RBMS3: variants seen among roughly 807,000 people sequenced by gnomAD.
RBMS3 encodes the protein RNA binding motif single stranded interacting protein 3, also known as RNA-binding motif, single-stranded-interacting protein 3.
In RBMS3, 27 loss-of-function variants were observed where a neutral mutation model predicts 66.8. That is an observed-to-expected ratio of 0.40 (90% CI 0.30 to 0.56). The LOEUF (loss-of-function observed/expected upper bound fraction) is 0.56, where lower values mean the gene tolerates loss of function less well. Ranked by LOEUF, RBMS3 falls within the 20% of genes least tolerant of loss-of-function variation. The probability of loss-of-function intolerance (pLI) is 0.40; values close to 1 mark genes in which losing one functional copy is unlikely to be tolerated. For synonymous variants in RBMS3, 188 were observed against 183.0 expected (o/e 1.03, Z -0.22); for missense variants, 513 against 549.5 (o/e 0.93, Z 0.66).
At chr3:29,374,692 G>C (rs185500322) in intron 1 of RBMS3, among the ~76,000 whole-genome samples, 1 of 152,146 alleles carries the variant, frequency 6.6e-6, no homozygotes. Flanking sequence ...TTTTCAACTC[G>C]TGATATTTTC....
chr3:29,697,308 T>G (rs1336421611), intron 4 of RBMS3, among the ~76,000 whole-genome samples: 1 of 152,212 alleles, frequency 6.6e-6, no homozygotes, highest in Non-Finnish European at 1.5e-5. Context: ...CTCCAAACCA[T>G]TAATCTTTGC....
chr3:29,940,645 C>T (rs901233851), intron 11 of RBMS3, among the ~76,000 whole-genome samples: 1 of 151,680 alleles, frequency 6.6e-6, no homozygotes, highest in Non-Finnish European at 1.5e-5. Flanking sequence ...CTCCCATGAC[C>T]TCAAATTTTG....
intron 1 of RBMS3, among the ~76,000 whole-genome samples, chr3:29,428,815 T>C (rs1559353480): frequency 6.6e-6 from 1 of 152,198 alleles, no homozygotes; most frequent in Non-Finnish European, 1.5e-5. Flanking sequence ...TTTGACAGTA[T>C]TTGAAAAACT....
At chr3:29,290,941 G>C (rs577678149) in intron 1 of RBMS3, among the ~76,000 whole-genome samples, 23 of 151,838 alleles carry the variant, frequency 1.5e-4, no homozygotes, top group African/African-American at 5.3e-4. Context: ...TGTTGAAAAA[G>C]CTTTTATAAT....
At chr3:29,707,025 G>A (rs905229289) in intron 4 of RBMS3, among the ~76,000 whole-genome samples, 5 of 152,116 alleles carry the variant, frequency 3.3e-5, no homozygotes, top group African/African-American at 1.2e-4. Context: ...GGTGAGCTTT[G>A]TACTTTTCAA....
At chr3:29,992,855 C>G (rs529849208) in intron 14 of RBMS3, among the ~76,000 whole-genome samples, 2 of 152,144 alleles carry the variant, frequency 1.3e-5, no homozygotes, top group African/African-American at 4.8e-5. Context: ...ATAGGCTATT[C>G]TCTTTAAACT....
At chr3:29,530,405 T>C (rs1281256596) in intron 3 of RBMS3, among the ~76,000 whole-genome samples, 1 of 152,082 alleles carries the variant, frequency 6.6e-6, no homozygotes, top group Non-Finnish European at 1.5e-5. Context: ...ATGATAAAAC[T>C]TGATGTGGAC....
chr3:29,417,407 G>A (rs1023477264), intron 1 of RBMS3, among the ~76,000 whole-genome samples: 64 of 152,052 alleles, frequency 4.2e-4, no homozygotes, highest in African/African-American at 1.4e-3. Context: ...TGCAGTCCAC[G>A]TAGAGTTAAA....
intron 4 of RBMS3, among the ~76,000 whole-genome samples, chr3:29,727,651 A>T (rs986615425): frequency 6.6e-6 from 1 of 152,226 alleles, no homozygotes; most frequent in African/African-American, 2.4e-5. Flanking sequence ...TCGAAACCGC[A>T]ATGAGATACC....
intron 2 of RBMS3, among the ~76,000 whole-genome samples, chr3:29,446,669 A>G (rs1458362677): frequency 3.3e-5 from 5 of 152,154 alleles, no homozygotes; most frequent in Non-Finnish European, 1.5e-5. Flanking sequence ...GTAAAAGGGA[A>G]GTTTTTGAAC....
chr3:29,661,977 A>G (rs1202884708), intron 4 of RBMS3, among the ~76,000 whole-genome samples: 1 of 152,206 alleles, frequency 6.6e-6, no homozygotes, highest in Non-Finnish European at 1.5e-5. Flanking sequence ...AACATTGTGC[A>G]TCCTCAGTGC....
intron 6 of RBMS3, among the ~76,000 whole-genome samples, chr3:29,838,127 C>G (rs553504177): frequency 9.0e-4 from 127 of 140,598 alleles, no homozygotes; most frequent in African/African-American, 3.2e-3. Context: ...ACTGTTGAAC[C>G]TGAGTTCACA....
chr3:29,549,551 C>G (rs962016706), intron 3 of RBMS3, among the ~76,000 whole-genome samples: 3 of 151,948 alleles, frequency 2.0e-5, no homozygotes, highest in South Asian at 2.1e-4. Context: ...AGGCGCCCAC[C>G]ACCATGTCCA....
At chr3:29,956,290 C>A (rs1027679399) in intron 12 of RBMS3, among the ~76,000 whole-genome samples, 1 of 152,078 alleles carries the variant, frequency 6.6e-6, no homozygotes, top group Non-Finnish European at 1.5e-5. Context: ...CTCTGTGGAT[C>A]AAATCTTGTG....
intron 4 of RBMS3, among the ~76,000 whole-genome samples, chr3:29,720,072 C>A (rs1485074554): frequency 1.3e-5 from 2 of 151,812 alleles, no homozygotes; most frequent in Middle Eastern, 3.4e-3. Context: ...CTGGCCCCTG[C>A]CTACCTTTCC....
intron 11 of RBMS3, among the ~76,000 whole-genome samples, chr3:29,941,954 G>A (rs1279431734): frequency 6.6e-6 from 1 of 151,762 alleles, no homozygotes; most frequent in Non-Finnish European, 1.5e-5. Flanking sequence ...AGTACCAGTT[G>A]GATAGCAAGG....
At chr3:29,730,842 A>G (rs997541699) in intron 4 of RBMS3, 1 of 969,960 alleles carries the variant, frequency 1.0e-6, no homozygotes, top group African/African-American at 1.8e-5. Context: ...ATAAAACTAT[A>G]GAGAGATCTC....
intron 1 of RBMS3, among the ~76,000 whole-genome samples, chr3:29,296,376 T>C (rs1418524205): frequency 6.6e-6 from 1 of 151,850 alleles, no homozygotes; most frequent in Non-Finnish European, 1.5e-5. Context: ...CTTGGGAATG[T>C]GTACAACTGT....
At chr3:29,996,250 G>A (rs1699231375) in intron 14 of RBMS3, among the ~76,000 whole-genome samples, 1 of 151,546 alleles carries the variant, frequency 6.6e-6, no homozygotes, top group Non-Finnish European at 1.5e-5. Flanking sequence ...CAATACAGGA[G>A]CACCAAGATT....
Sources: gnomAD v4.1 joint callset for allele counts (sites outside exome capture counted in the v4.1 genomes callset) on GRCh38, gnomAD v4.1.1 for gene constraint, MANE v1.5 for transcripts, NCBI Gene and HGNC (gene_info 2026-07-23, HGNC 2026-07-21) for gene names.